The following ADCY2 variants were observed in gnomAD, a reference collection of about 807,000 sequenced individuals.
ADCY2 encodes adenylate cyclase 2, also known as adenylate cyclase type 2.
In ADCY2, 31 loss-of-function variants were observed where a neutral mutation model predicts 125.2. The observed-to-expected ratio is 0.25, with a 90% CI of 0.19 to 0.33. ADCY2 has a LOEUF of 0.33. Among genes scored for constraint, ADCY2 ranks in the 10% least tolerant of loss-of-function variants. The pLI, the probability that ADCY2 is intolerant of heterozygous loss-of-function variation, is 1.00. For missense variants in ADCY2, 904 were observed against 1,418.2 expected, an observed-to-expected ratio of 0.64 and a Z score of 5.82; for synonymous variants, 512 against 548.4, an observed-to-expected ratio of 0.93 and a Z score of 0.93.
intron 17 of ADCY2, among the ~76,000 whole-genome samples, chr5:7,772,020 C>T (rs1480592108): frequency 2.0e-5 from 3 of 152,106 alleles, no homozygotes; most frequent in African/African-American, 7.2e-5. Context: ...GCAGCAAGTC[C>T]CTCCTGGCGT....
At chr5:7,569,113 T>C (rs1174038842) in intron 3 of ADCY2, among the ~76,000 whole-genome samples, 1 of 152,040 alleles carries the variant, frequency 6.6e-6, no homozygotes, top group African/African-American at 2.4e-5. Flanking sequence ...CATGGAGGGA[T>C]AGAGATGGAA....
chr5:7,670,111 C>T (rs921358400), intron 4 of ADCY2, among the ~76,000 whole-genome samples: 11 of 152,120 alleles, frequency 7.2e-5, no homozygotes, highest in Non-Finnish European at 1.5e-5. Context: ...TATTTATTTT[C>T]ATTCATTGCC....
intron 4 of ADCY2, among the ~76,000 whole-genome samples, chr5:7,676,635 G>A (rs1740136380): frequency 6.6e-6 from 1 of 152,132 alleles, no homozygotes; most frequent in Admixed American, 6.5e-5. Flanking sequence ...TGTCTGTCTT[G>A]TTTGTTTTAA....
chr5:7,413,361 C>T (rs1174906417), intron 1 of ADCY2, among the ~76,000 whole-genome samples: 23 of 152,036 alleles, frequency 1.5e-4, no homozygotes, highest in Non-Finnish European at 2.8e-4. Context: ...GTGGCGCGCT[C>T]ACGGCTCACT....
chr5:7,691,129 G>A (rs13190078), intron 5 of ADCY2: 100,798 of 211,618 alleles, frequency 0.48, 24,824 homozygotes, highest in East Asian at 0.82. Context: ...AGGGGACAGC[G>A]GGGTCTTCAT....
chr5:7,805,350 C>G (rs1744727727), intron 22 of ADCY2, among the ~76,000 whole-genome samples: 1 of 151,774 alleles, frequency 6.6e-6, no homozygotes, highest in South Asian at 2.1e-4. Context: ...ATAATGTGGT[C>G]AAAAAACAAG....
At position 7,398,511 on chromosome 5, in the gene ADCY2, C is replaced by T. The variant is rs534146475; in HGVS notation, c.210+2005C>T. 5.9e-5 allele frequency among the ~76,000 whole-genome samples: 9 copies of T among 152,318 alleles called. No individual in the cohort carries two copies. In the South Asian group the frequency reaches 1.7e-3, roughly 28 times the overall value. On this transcript the variant is annotated intron_variant, in intron 1 of 24. Coordinates refer to ENST00000338316, the MANE Select transcript of ADCY2 (RefSeq NM_020546.3). ...TGATAAATCAATCATTTTAATGCTC[C>T]TCTTGCCTTCAGCTAAATCATTTTA...
At chr5:7,781,016 G>A (rs561521342) in intron 18 of ADCY2, among the ~76,000 whole-genome samples, 4 of 152,230 alleles carry the variant, frequency 2.6e-5, no homozygotes, top group Non-Finnish European at 4.4e-5. Context: ...AAGAAAGGAA[G>A]TGTGTTCCAT....
intron 3 of ADCY2, among the ~76,000 whole-genome samples, chr5:7,583,228 A>T (rs2126614881): frequency 6.6e-6 from 1 of 152,158 alleles, no homozygotes; most frequent in Admixed American, 6.5e-5. Context: ...TTTACTCATG[A>T]ATTGGAAACC....
intron 3 of ADCY2, among the ~76,000 whole-genome samples, chr5:7,592,846 C>CT (rs1173588971): frequency 1.6e-4 from 25 of 151,694 alleles, no homozygotes; most frequent in African/African-American, 5.8e-4. Context: ...CATGAAGCAC[C>CT]CCCCAGCCCA....
At chr5:7,694,848 A>T (rs193228691) in intron 5 of ADCY2, among the ~76,000 whole-genome samples, 1 of 152,150 alleles carries the variant, frequency 6.6e-6, no homozygotes, top group Admixed American at 6.5e-5. Flanking sequence ...AGGACCGAAC[A>T]TATTGTTTTT....
chr5:7,669,467 G>T (rs1225096596), intron 4 of ADCY2, among the ~76,000 whole-genome samples: 1 of 152,182 alleles, frequency 6.6e-6, no homozygotes, highest in Non-Finnish European at 1.5e-5. Context: ...TGAGAATCCA[G>T]ATCCCAGAAA....
intron 2 of ADCY2, among the ~76,000 whole-genome samples, chr5:7,432,080 A>G (rs921561708): frequency 6.6e-6 from 1 of 152,124 alleles, no homozygotes; most frequent in African/African-American, 2.4e-5. Context: ...GAACGTTGGA[A>G]AGAAGTGTCT....
chr5:7,397,040 T>C (rs1476085464), intron 1 of ADCY2, among the ~76,000 whole-genome samples: 3 of 152,240 alleles, frequency 2.0e-5, no homozygotes, highest in Non-Finnish European at 4.4e-5. Context: ...TATACATCTT[T>C]GCCTTTAAAT....
chr5:7,412,085 AAG>A (rs1173027414), intron 1 of ADCY2, among the ~76,000 whole-genome samples: 1 of 152,080 alleles, frequency 6.6e-6, no homozygotes, highest in South Asian at 2.1e-4. Context: ...AAAAAAAAAA[AAG>A]AGAAGCACGG....
At chr5:7,773,930 ATT>A (rs1385259405) in intron 18 of ADCY2, among the ~76,000 whole-genome samples, 1 of 152,214 alleles carries the variant, frequency 6.6e-6, no homozygotes, top group Non-Finnish European at 1.5e-5. Context: ...GCAAAACAAC[ATT>A]TTATAACAAG....
At chr5:7,673,366 A>T (rs1740008643) in intron 4 of ADCY2, among the ~76,000 whole-genome samples, 1 of 145,744 alleles carries the variant, frequency 6.9e-6, no homozygotes, top group African/African-American at 2.5e-5. Context: ...CTGAGCTCGG[A>T]GGTGGAGGTT....
chr5:7,580,825 C>A lies in ADCY2; in HGVS notation c.571-45342C>A, dbSNP rs1181297327. Reference sequence around the variant, plus strand: ...AACCAAGAGAAAATCTCAAAGATAGCCAGAGAAAACTGACAGATCGAAGGG... The same window carrying A: ...AACCAAGAGAAAATCTCAAAGATAGACAGAGAAAACTGACAGATCGAAGGG... On this transcript the variant is annotated intron_variant, in intron 3 of 24. Transcript: ENST00000338316. Among the ~76,000 whole-genome samples, 5 of 152,154 alleles carry A rather than the reference C, an allele frequency of 3.3e-5. No individual in the cohort carries two copies. The East Asian group carries it at 9.6e-4, about 29-fold the overall frequency.
At chr5:7,401,359 A>C (rs1053427602) in intron 1 of ADCY2, among the ~76,000 whole-genome samples, 2 of 152,224 alleles carry the variant, frequency 1.3e-5, no homozygotes, top group African/African-American at 4.8e-5. Flanking sequence ...TGCAACTGCT[A>C]CGCTGTCACA....
Sources: gnomAD v4.1 joint callset for allele counts (sites outside exome capture counted in the v4.1 genomes callset) on GRCh38, gnomAD v4.1.1 for gene constraint, MANE v1.5 for transcripts, NCBI Gene and HGNC (gene_info 2026-07-23, HGNC 2026-07-21) for gene names.